SLC15A5: variants seen among roughly 807,000 people sequenced by gnomAD.
The protein encoded by SLC15A5 is Peptide/histidine transporter ENSP00000340402.
A neutral mutation model predicts 56.1 loss-of-function variants in SLC15A5; 58 were observed. The observed-to-expected ratio is 1.03, with a 90% CI of 0.84 to 1.29. The LOEUF (loss-of-function observed/expected upper bound fraction) is 1.29, where lower values mean the gene tolerates loss of function less well. Ranked by LOEUF, SLC15A5 falls within the 50% of genes most tolerant of loss-of-function variation. The probability of loss-of-function intolerance (pLI) is 0.00; values close to 1 mark genes in which losing one functional copy is unlikely to be tolerated. For synonymous variants in SLC15A5, 264 were observed against 250.5 expected, an observed-to-expected ratio of 1.05 and a Z score of -0.51; for missense variants, 681 against 672.1, an observed-to-expected ratio of 1.01 and a Z score of -0.15.
At chr12:16,213,490 G>A (rs1380729147) in intron 7 of SLC15A5, among the ~76,000 whole-genome samples, 2 of 152,066 alleles carry the variant, frequency 1.3e-5, no homozygotes, top group African/African-American at 4.8e-5. Context: ...GACTTACTCT[G>A]TAGAACATAG....
chr12:16,254,039 T>C (rs1416316326), intron 3 of SLC15A5, among the ~76,000 whole-genome samples: 1 of 152,128 alleles, frequency 6.6e-6, no homozygotes, highest in East Asian at 1.9e-4. Context: ...ATCCCACATG[T>C]CCATTGTTAG....
At chr12:16,259,494 T>C (rs1349934008) in intron 2 of SLC15A5, among the ~76,000 whole-genome samples, 1 of 151,954 alleles carries the variant, frequency 6.6e-6, no homozygotes, top group East Asian at 1.9e-4. Flanking sequence ...CAGGTAGAAC[T>C]GGCTATGGAA....
chr12:16,257,049 A>C (rs1864583470), intron 3 of SLC15A5, among the ~76,000 whole-genome samples: 1 of 152,068 alleles, frequency 6.6e-6, no homozygotes, highest in Non-Finnish European at 1.5e-5. Flanking sequence ...AAAAGGAAAC[A>C]ATTGGAGATT....
chr12:16,260,994 T>C (rs1457477786), intron 2 of SLC15A5, among the ~76,000 whole-genome samples: 2 of 152,184 alleles, frequency 1.3e-5, no homozygotes, highest in Admixed American at 1.3e-4. Context: ...TCTGTTCCAC[T>C]AATCTATCCT....
chr12:16,194,060 A>G, intron 8 of SLC15A5, among the ~76,000 whole-genome samples: 1 of 152,014 alleles, frequency 6.6e-6, no homozygotes, highest in Non-Finnish European at 1.5e-5. Context: ...ACTCGTTCTT[A>G]TTATCGATAA....
chr12:16,267,022 T>C (rs1416805020), intron 2 of SLC15A5, among the ~76,000 whole-genome samples: 1 of 152,216 alleles, frequency 6.6e-6, no homozygotes, highest in East Asian at 1.9e-4. Context: ...TAGTAATAAA[T>C]TTAAATTACT....
chr12:16,246,625 G>T (rs958573254), intron 3 of SLC15A5, among the ~76,000 whole-genome samples: 44 of 152,142 alleles, frequency 2.9e-4, no homozygotes, highest in African/African-American at 9.2e-4. Context: ...ATTATTAAAT[G>T]ATAAGTACTT....
chr12:16,203,557 C>A (rs1863983689), intron 7 of SLC15A5, among the ~76,000 whole-genome samples: 1 of 152,006 alleles, frequency 6.6e-6, no homozygotes, highest in South Asian at 2.1e-4. Flanking sequence ...TCTTAGAAAA[C>A]AAGAATAAAG....
At chr12:16,258,613 T>C (rs3915238) in intron 2 of SLC15A5, among the ~76,000 whole-genome samples, 67,981 of 151,630 alleles carry the variant, frequency 0.45, 15,421 homozygotes, top group South Asian at 0.61. Flanking sequence ...ATATAACTTA[T>C]ATACATATTA....
chr12:16,246,787 T>C (rs2136792912), intron 3 of SLC15A5, among the ~76,000 whole-genome samples: 1 of 152,290 alleles, frequency 6.6e-6, no homozygotes, highest in Non-Finnish European at 1.5e-5. Context: ...AACTTGGATC[T>C]GCTTCTAATA....
At chr12:16,193,038 A>G (rs1446399409) in intron 8 of SLC15A5, among the ~76,000 whole-genome samples, 1 of 152,104 alleles carries the variant, frequency 6.6e-6, no homozygotes, top group African/African-American at 2.4e-5. Context: ...AGGATACAAA[A>G]TAAAAATTGA....
At chr12:16,249,567 A>T (rs1340760150) in intron 3 of SLC15A5, among the ~76,000 whole-genome samples, 2 of 152,096 alleles carry the variant, frequency 1.3e-5, no homozygotes, top group Non-Finnish European at 2.9e-5. Flanking sequence ...TCTTGTTAAC[A>T]TCCAAAAATA....
chr12:16,244,896 C>T lies in SLC15A5; in HGVS notation c.755-96G>A. 2.3e-6 allele frequency: 3 copies of T among 1,316,626 alleles called. No individual in the cohort carries two copies. The East Asian group carries it at 7.6e-5, about 33-fold the overall frequency. 81.6% of individuals were successfully genotyped at this position (1,316,626 alleles called of 1,614,324 possible). A position where few individuals can be genotyped will look rare whatever the true frequency, so the allele number is the denominator to read the frequency against. On this transcript the variant is annotated intron_variant, in intron 3 of 8. Coordinates refer to ENST00000344941, the MANE Select transcript of SLC15A5 (RefSeq NM_001170798.1). ...AAGATAACGATTCAAGGATTCACGGCAGTGAAGTGAGAAAGTTTTTAGCAC... is the reference window on the plus strand; with the variant it reads ...AAGATAACGATTCAAGGATTCACGGTAGTGAAGTGAGAAAGTTTTTAGCAC...
At chr12:16,225,268 G>A (rs927381211) in intron 5 of SLC15A5, among the ~76,000 whole-genome samples, 2 of 152,150 alleles carry the variant, frequency 1.3e-5, no homozygotes, top group African/African-American at 2.4e-5. Context: ...GGGTCAAATG[G>A]TATTTCTAGT....
intron 8 of SLC15A5, among the ~76,000 whole-genome samples, chr12:16,192,119 T>C (rs943471741): frequency 2.0e-5 from 3 of 152,114 alleles, no homozygotes. Flanking sequence ...CTTTAGTTTT[T>C]TGATTTATAA....
intron 2 of SLC15A5, among the ~76,000 whole-genome samples, chr12:16,262,162 C>T (rs1864648650): frequency 6.6e-6 from 1 of 152,166 alleles, no homozygotes; most frequent in Admixed American, 6.5e-5. Context: ...GCTTGTAGAG[C>T]CATGAGCAGA....
intron 5 of SLC15A5, among the ~76,000 whole-genome samples, chr12:16,229,366 G>C (rs1319708429): frequency 6.6e-6 from 1 of 151,954 alleles, no homozygotes; most frequent in Non-Finnish European, 1.5e-5. Flanking sequence ...TTCCATCTTA[G>C]GGACTTTTAT....
At chr12:16,244,300 C>A (rs73322951) in intron 4 of SLC15A5, among the ~76,000 whole-genome samples, 2 of 152,162 alleles carry the variant, frequency 1.3e-5, no homozygotes, top group African/African-American at 4.8e-5. Flanking sequence ...ACTGCTCTTA[C>A]GCCTTACGAC....
Position 16,237,867 on chromosome 12 carries a change from C to G in SLC15A5, c.1162+1814G>C, listed in dbSNP as rs745544200. On this transcript the variant is annotated intron_variant, in intron 5 of 8. Coordinates refer to ENST00000344941, the MANE Select transcript of SLC15A5 (RefSeq NM_001170798.1). The surrounding 1 kb of genome is among the most constrained non-coding windows in gnomAD (Gnocchi z 4.1). ...TGTCCTGCATGCATTATGTTTCAAT[C>G]ATGGACTTGCTGAAGGTATATACAA... 6.6e-6 allele frequency among the ~76,000 whole-genome samples: 1 copy of G among 152,150 alleles called. No homozygotes were observed. Among genetic ancestry groups the G allele is most frequent in the Non-Finnish European group, 1.5e-5 (1 of 68,028 alleles).
Sources: allele counts gnomAD v4.1 joint callset (sites outside exome capture counted in the v4.1 genomes callset), GRCh38; gene constraint gnomAD v4.1.1; non-coding constraint Gnocchi (gnomAD v3.1); transcripts MANE v1.5; gene names NCBI Gene and HGNC (gene_info 2026-07-23, HGNC 2026-07-21).